Variants in DYM observed in about 807,000 individuals in gnomAD.
DYM encodes the protein dymeclin.
A neutral mutation model predicts 93.1 loss-of-function variants in DYM; 78 were observed. The ratio of observed to expected loss-of-function variants is 0.84; its 90% CI spans 0.70 to 1.01. The LOEUF (loss-of-function observed/expected upper bound fraction) is 1.01. Ranked by LOEUF, DYM falls within the 50% of genes least tolerant of loss-of-function variation. DYM has a pLI of 0.00. For missense variants in DYM, 789 were observed against 845.0 expected, an observed-to-expected ratio of 0.93 and a Z score of 0.82; for synonymous variants, 321 against 319.7, an observed-to-expected ratio of 1.00 and a Z score of -0.04.
At chr18:49,095,644 C>T (rs758408715) in intron 17 of DYM, among the ~76,000 whole-genome samples, 11 of 152,116 alleles carry the variant, frequency 7.2e-5, no homozygotes, top group Non-Finnish European at 1.5e-4. Flanking sequence ...GTCAACTTGC[C>T]TGGGACCCAC....
In DYM at chr18:49,333,747, A is replaced by T; in HGVS notation, c.601T>A (p.Tyr201Asn). Residue 201 changes from tyrosine to asparagine, a missense_variant, in exon 7 of 18, where the codon TAT becomes AAT. By Grantham distance (143) the Tyr-to-Asn change is moderately radical. Transcript: ENST00000675505. Reference sequence around the variant, plus strand: ...ACATACCATGGACCTCGCATCAAATACTTGTGGCTGATGCTCTGTCGCAAA... The same window carrying T: ...ACATACCATGGACCTCGCATCAAATTCTTGTGGCTGATGCTCTGTCGCAAA... ...EVLRQSISHK[Y>N]LMRGPCLPYT... 1 of 1,614,004 alleles carries T rather than the reference A, an allele frequency of 6.2e-7. No individual in the cohort carries two copies. Among genetic ancestry groups the T allele is most frequent in the Non-Finnish European group, 8.5e-7 (1 of 1,179,900 alleles).
intron 1 of DYM, among the ~76,000 whole-genome samples, chr18:49,444,507 A>G (rs1388569254): frequency 1.3e-5 from 2 of 152,240 alleles, no homozygotes; most frequent in African/African-American, 2.4e-5. Flanking sequence ...TGCCTAAGTC[A>G]CAAGTCATGT....
intron 17 of DYM, among the ~76,000 whole-genome samples, chr18:49,063,012 G>A (rs1039887202): frequency 6.6e-6 from 1 of 152,166 alleles, no homozygotes; most frequent in Non-Finnish European, 1.5e-5. Context: ...TGCCATGATC[G>A]GTTTTTAGCC....
chr18:49,387,576 C>T (rs112049022), intron 3 of DYM, among the ~76,000 whole-genome samples: 8 of 152,044 alleles, frequency 5.3e-5, no homozygotes, highest in African/African-American at 1.7e-4. Context: ...TGGTCGAATC[C>T]GTGATCTTTG....
At chr18:49,293,497 T>C (rs2060311089) in intron 8 of DYM, among the ~76,000 whole-genome samples, 1 of 152,210 alleles carries the variant, frequency 6.6e-6, no homozygotes, top group African/African-American at 2.4e-5. Context: ...TGTTGTTTCC[T>C]GACTTTTTAA....
chr18:49,430,431 C>A lies in DYM; in HGVS notation c.-37G>T, dbSNP rs566826674. On this transcript the variant is annotated 5_prime_UTR_variant, in exon 2 of 18. An upstream start codon of the reference 5' UTR is lost. Coordinates refer to ENST00000675505, the MANE Select transcript of DYM (RefSeq NM_001353214.3). ...AGCAGATAATTTGTCCTTAAACCTG[C>A]ATTTCCAAAAGACAACCTATAAAAA... The A allele has an allele frequency of 4.3e-6, 7 of 1,610,748 alleles. No individual in the cohort carries two copies. Among genetic ancestry groups the A allele is most frequent in the Non-Finnish European group, 5.9e-6 (7 of 1,179,706 alleles).
At chr18:49,254,145 T>C (rs1159103551) in intron 13 of DYM, among the ~76,000 whole-genome samples, 1 of 152,074 alleles carries the variant, frequency 6.6e-6, no homozygotes, top group Admixed American at 6.6e-5. Context: ...CTGCTTAATC[T>C]TTCAATGAGA....
At chr18:49,284,838 TG>T (rs748278811) in intron 9 of DYM, among the ~76,000 whole-genome samples, 7 of 152,188 alleles carry the variant, frequency 4.6e-5, no homozygotes, top group Non-Finnish European at 7.4e-5. Flanking sequence ...CCTATTGTCC[TG>T]TGTTATAGTT....
intron 15 of DYM, among the ~76,000 whole-genome samples, chr18:49,147,128 A>C (rs2085248810): frequency 6.6e-6 from 1 of 152,116 alleles, no homozygotes. Context: ...GGTGCTGGGA[A>C]AACTGGCTAG....
intron 2 of DYM, among the ~76,000 whole-genome samples, chr18:49,419,708 C>A (rs753052052): frequency 6.6e-6 from 1 of 152,190 alleles, no homozygotes; most frequent in Non-Finnish European, 1.5e-5. Context: ...TGTCTTCAAT[C>A]TATAGGTCAA....
At chr18:49,366,935 C>G (rs1230269204) in intron 5 of DYM, among the ~76,000 whole-genome samples, 1 of 152,022 alleles carries the variant, frequency 6.6e-6, no homozygotes, top group Non-Finnish European at 1.5e-5. Context: ...CAGATTGGAA[C>G]TCAAATCTAT....
In DYM at chr18:49,043,541, CTTCAT is replaced by C. The variant is rs2071086755; in HGVS notation, c.*509_*513del. On this transcript the variant is annotated 3_prime_UTR_variant, in exon 18 of 18. Transcript: ENST00000675505. The stretch of plus-strand genomic sequence containing the variant: ...CTGACAGGCAACCAAACACACACGA[CTTCAT>C]TTCTTTATTAATTCCTGCCTCATCA... The C allele has an allele frequency of 6.4e-6, 1 of 155,432 alleles. No homozygotes were observed. Among genetic ancestry groups the C allele is most frequent in the Admixed American group, 6.3e-5 (1 of 15,974 alleles). The allele number at this position is 155,432 out of a possible 1,614,324, so 9.6% of individuals were successfully genotyped here. A position where few individuals can be genotyped will look rare whatever the true frequency, so the allele number is the denominator to read the frequency against.
rs2081258667 is a variant in DYM, at chr18:49,440,453, T to C, written c.-53-10006A>G. Among the ~76,000 whole-genome samples the C allele has an allele frequency of 1.9e-5, 2 of 106,628 alleles. 1 individual carries two copies. The highest frequency in any genetic ancestry group is 3.5e-5 in the Non-Finnish European group (2 of 56,674). 70.0% of individuals were successfully genotyped at this position (106,628 alleles called of 152,430 possible). On this transcript the variant is annotated intron_variant, in intron 1 of 17. Coordinates refer to ENST00000675505, the MANE Select transcript of DYM (RefSeq NM_001353214.3). ...TTAGGAGTAAAGTGACTATATATTA[T>C]ATATTTATATAATATATGACTATAT...
Position 49,350,430 on chromosome 18 carries a change from G to T in DYM, c.494+12731C>A, listed in dbSNP as rs184948984. 4.2e-4 allele frequency among the ~76,000 whole-genome samples: 64 copies of T among 152,280 alleles called. 2 individuals carry two copies. In the South Asian group the frequency reaches 0.012, roughly 29 times the overall value. ...TTTTTATTTAAAAACACTTTTGGCT[G>T]AGCGCAGTGGCTTACGTCTGTAATC... On this transcript the variant is annotated intron_variant, in intron 6 of 17. Transcript: ENST00000675505.
At chr18:49,319,030 C>T (rs2062250347) in intron 8 of DYM, among the ~76,000 whole-genome samples, 1 of 151,892 alleles carries the variant, frequency 6.6e-6, no homozygotes, top group Admixed American at 6.6e-5. Flanking sequence ...TGGTCTTGAA[C>T]TCCTGATCTT....
intron 2 of DYM, among the ~76,000 whole-genome samples, chr18:49,419,060 G>A (rs1177988401): frequency 2.0e-5 from 3 of 152,110 alleles, no homozygotes; most frequent in Non-Finnish European, 4.4e-5. Context: ...TCACCTGGGT[G>A]ATTTAAGAAA....
At chr18:49,109,512 T>A (rs1441865740) in intron 16 of DYM, among the ~76,000 whole-genome samples, 1 of 152,220 alleles carries the variant, frequency 6.6e-6, no homozygotes, top group East Asian at 1.9e-4. Flanking sequence ...TATGGTACCC[T>A]ACTTGTGAGT....
At chr18:49,082,060 A>G (rs1450235287) in intron 17 of DYM, among the ~76,000 whole-genome samples, 1 of 152,048 alleles carries the variant, frequency 6.6e-6, no homozygotes, top group Non-Finnish European at 1.5e-5. Flanking sequence ...CAGTTTGGGA[A>G]TTCCCTTCCA....
chr18:49,209,745 A>T, intron 13 of DYM, 30 bp from the exon 14 acceptor site: 1 of 1,201,578 alleles, frequency 8.3e-7, no homozygotes, highest in Non-Finnish European at 1.1e-6. Context: ...GGAGAGAAAC[A>T]GAAAGAGAGG....
Sources: gnomAD v4.1 joint callset for allele counts (sites outside exome capture counted in the v4.1 genomes callset) on GRCh38, gnomAD v4.1.1 for gene constraint, MANE v1.5 for transcripts, NCBI Gene and HGNC (gene_info 2026-07-23, HGNC 2026-07-21) for gene names.